The following MAP3K1 variants were observed in gnomAD, a reference collection of about 807,000 sequenced individuals.
MAP3K1 encodes MAP/ERK kinase kinase 1.
A neutral mutation model predicts 144.2 loss-of-function variants in MAP3K1; 36 were observed. That is an observed-to-expected ratio of 0.25 (90% confidence interval 0.19 to 0.33). The LOEUF (loss-of-function observed/expected upper bound fraction) is 0.33, where lower values mean the gene tolerates loss of function less well. Among genes scored for constraint, MAP3K1 ranks in the 10% least tolerant of loss-of-function variants. The pLI is 1.00. For synonymous variants in MAP3K1, 718 were observed against 688.7 expected, an observed-to-expected ratio of 1.04 and a Z score of -0.67; for missense variants, 1,650 against 1,881.9, an observed-to-expected ratio of 0.88 and a Z score of 2.28.
At chr5:56,844,782 G>A (rs537250262) in intron 1 of MAP3K1, among the ~76,000 whole-genome samples, 2 of 152,208 alleles carry the variant, frequency 1.3e-5, no homozygotes, top group South Asian at 4.2e-4. Context: ...TTTCTTCTTT[G>A]CTGCCTGGCC....
chr5:56,818,409 C>G (rs1746049496), intron 1 of MAP3K1, among the ~76,000 whole-genome samples: 1 of 151,874 alleles, frequency 6.6e-6, no homozygotes, highest in African/African-American at 2.4e-5. Flanking sequence ...AGAGGAAAAT[C>G]TAAGATTTTG....
At position 56,815,684 on chromosome 5, in the gene MAP3K1, C is replaced by A. The variant is rs1333697770; in HGVS notation, c.111C>A (p.Pro37=). 3 of 1,301,116 alleles carry A rather than the reference C, an allele frequency of 2.3e-6. No individual in the cohort carries two copies. The highest frequency in any genetic ancestry group is 2.4e-5 in the South Asian group (1 of 41,864). The allele number at this position is 1,301,116 out of a possible 1,614,324, so 80.6% of individuals were successfully genotyped here. A position where few individuals can be genotyped will look rare whatever the true frequency, so the allele number is the denominator to read the frequency against. Reference sequence around the variant, plus strand: ...GAGCCCTCAAGGCGAGCAGCGCGCCCGCGGCTGCCGCGGGACTGCTGCGGG... The same window carrying A: ...GAGCCCTCAAGGCGAGCAGCGCGCCAGCGGCTGCCGCGGGACTGCTGCGGG... ...GGGALKASSA[P]AAAAGLLREA... is the part of the protein sequence containing the mutation. Residue 37 remains proline (P), a synonymous_variant, in exon 1 of 20, where the codon CCC becomes CCA. Transcript: ENST00000399503.
intron 10 of MAP3K1, among the ~76,000 whole-genome samples, chr5:56,875,547 T>G (rs1450228220): frequency 6.6e-6 from 1 of 152,228 alleles, no homozygotes; most frequent in East Asian, 1.9e-4. Flanking sequence ...TTTCATTGTT[T>G]TAAAGGCTTT....
intron 6 of MAP3K1, among the ~76,000 whole-genome samples, chr5:56,867,760 A>G (rs1446145936): frequency 6.6e-6 from 1 of 152,214 alleles, no homozygotes; most frequent in Non-Finnish European, 1.5e-5. Flanking sequence ...CTTCTTAAGT[A>G]AAAGTTTAAT....
chr5:56,819,148 A>C (rs1746075503), intron 1 of MAP3K1, among the ~76,000 whole-genome samples: 1 of 152,220 alleles, frequency 6.6e-6, no homozygotes, highest in Admixed American at 6.5e-5. Flanking sequence ...ATTCTGGAAG[A>C]GAAATATAAG....
At chr5:56,874,915 T>G in intron 9 of MAP3K1, 117 bp from the exon 10 acceptor site, 1 of 1,059,302 alleles carries the variant, frequency 9.4e-7, no homozygotes, top group Non-Finnish European at 1.5e-6. Flanking sequence ...TGAAGGATGG[T>G]AAAGATTTCA....
In MAP3K1 at chr5:56,894,877, A is replaced by G. The variant is rs1748657194; in HGVS notation, c.*1197A>G. On this transcript the variant is annotated 3_prime_UTR_variant, in exon 20 of 20. Coordinates refer to ENST00000399503, the MANE Select transcript of MAP3K1 (RefSeq NM_005921.2). ...AGAAAAATGGAATTGAATTTCATTTATACACTAATTCCTTGGATTTTGCAC... is the reference window on the plus strand; with the variant it reads ...AGAAAAATGGAATTGAATTTCATTTGTACACTAATTCCTTGGATTTTGCAC... The G allele has an allele frequency of 4.3e-6, 1 of 232,144 alleles. No homozygotes were observed. The highest frequency in any genetic ancestry group is 8.5e-6 in the Non-Finnish European group (1 of 117,368). 14.4% of individuals were successfully genotyped at this position (232,144 alleles called of 1,614,324 possible). A position where few individuals can be genotyped will look rare whatever the true frequency, so the allele number is the denominator to read the frequency against.
Position 56,875,057 on chromosome 5 carries a change from G to C in MAP3K1, c.1712G>C (p.Cys571Ser). ...GTGTTTGGAATGGAACTCGTTGGCT[G>C]CTTATTTTCTAGAAACTGGAATGTG... Reference protein sequence around the residue: ...IQVFGMELVGCLFSRNWNVRE... With the variant: ...IQVFGMELVGSLFSRNWNVRE... The change falls in exon 10 of 20, where the codon TGC (cysteine) becomes TCC (serine). Residue 571 changes from cysteine to serine, a missense_variant. By Grantham distance (112) the Cys-to-Ser change is moderately radical (BLOSUM62 -1). Transcript: ENST00000399503. 1 of 1,614,210 alleles carries C rather than the reference G, an allele frequency of 6.2e-7. No homozygotes were observed. The highest frequency in any genetic ancestry group is 2.2e-5 in the East Asian group (1 of 44,884).
rs936611106 is a variant in MAP3K1, at chr5:56,815,915, C to G, written c.342C>G (p.His114Gln). ...AGCCTGTGGCGGTGCCGCCGCCCCA[C>G]GGAGCCGCGAGCCGCGGCGGCGCCC... ...GFQPVAVPPPHGAASRGGAHL... is the reference protein window; with the variant it reads ...GFQPVAVPPPQGAASRGGAHL... The change falls in exon 1 of 20, where the codon CAC (histidine) becomes CAG (glutamine). Residue 114 changes from histidine (H) to glutamine (Q), a missense_variant. Physicochemically the swap from His to Gln is conservative, Grantham distance 24. Coordinates refer to ENST00000399503, the MANE Select transcript of MAP3K1 (RefSeq NM_005921.2). 1.4e-5 allele frequency: 18 copies of G among 1,284,892 alleles called. No individual in the cohort carries two copies. The East Asian group carries it at 4.9e-4, about 35-fold the overall frequency. The allele number at this position is 1,284,892 out of a possible 1,614,324, so 79.6% of individuals were successfully genotyped here. A position where few individuals can be genotyped will look rare whatever the true frequency, so the allele number is the denominator to read the frequency against.
intron 1 of MAP3K1, among the ~76,000 whole-genome samples, chr5:56,826,578 T>C (rs1746322216): frequency 6.6e-6 from 1 of 152,244 alleles, no homozygotes; most frequent in Non-Finnish European, 1.5e-5. Context: ...TGTGCTCAGA[T>C]ACTTCAAGCA....
intron 9 of MAP3K1, among the ~76,000 whole-genome samples, chr5:56,874,671 A>C (rs953885811): frequency 6.6e-6 from 1 of 151,940 alleles, no homozygotes; most frequent in African/African-American, 2.4e-5. Context: ...TTTTCTCTTT[A>C]AACTACCTTA....
chr5:56,850,718 C>T (rs1380652227), intron 1 of MAP3K1, among the ~76,000 whole-genome samples: 1 of 152,154 alleles, frequency 6.6e-6, no homozygotes, highest in Non-Finnish European at 1.5e-5. Flanking sequence ...CCAGCCTCCC[C>T]AAGCCTCCGA....
chr5:56,855,404 A>G (rs1747312381), intron 1 of MAP3K1, among the ~76,000 whole-genome samples: 1 of 152,152 alleles, frequency 6.6e-6, no homozygotes, highest in Admixed American at 6.5e-5. Context: ...GCCTATTTGC[A>G]AGTTTCAAAC....
chr5:56,869,725 A>AAT (rs1747794467), intron 6 of MAP3K1, among the ~76,000 whole-genome samples: 1 of 152,176 alleles, frequency 6.6e-6, no homozygotes. Context: ...TCCTCTATGA[A>AAT]TAAGCTTAAT....
chr5:56,855,464 G>T (rs959597394), intron 1 of MAP3K1, among the ~76,000 whole-genome samples: 1 of 152,176 alleles, frequency 6.6e-6, no homozygotes, highest in African/African-American at 2.4e-5. Context: ...GCCAGTTGCT[G>T]ATACAAAGAT....
intron 3 of MAP3K1, among the ~76,000 whole-genome samples, chr5:56,861,723 CTTGTATA>C (rs1747521636): frequency 6.6e-6 from 1 of 152,076 alleles, no homozygotes; most frequent in Middle Eastern, 3.2e-3. Flanking sequence ...TCTTAGCTGT[CTTGTATA>C]TTAAGCTAAA....
At chr5:56,868,709 T>C (rs1747755091) in intron 6 of MAP3K1, among the ~76,000 whole-genome samples, 1 of 152,122 alleles carries the variant, frequency 6.6e-6, no homozygotes, top group Admixed American at 6.5e-5. Context: ...AATGTAAAAA[T>C]ATGGAAACAG....
intron 15 of MAP3K1, 85 bp from the exon 16 acceptor site, chr5:56,884,579 A>T: frequency 7.8e-7 from 1 of 1,284,228 alleles, no homozygotes; most frequent in Non-Finnish European, 1.1e-6. Flanking sequence ...TGTTGCTAAT[A>T]AAGTGCTAGT....
Position 56,880,810 on chromosome 5 carries a change from C to T in MAP3K1, c.2179+8C>T, listed in dbSNP as rs1748181922. 9 of 1,606,894 alleles carry T rather than the reference C, an allele frequency of 5.6e-6. No individual in the cohort carries two copies. In the East Asian group the frequency reaches 1.6e-4, roughly 28 times the overall value. ...GAGAAATACTAAAAGCTGGTAATAA[C>T]TTTTCACTTAAAAGGAATATAGCAT... is the stretch of plus-strand genomic sequence containing the variant. On this transcript the variant is annotated splice_region_variant and intron_variant, in intron 12 of 19. Transcript: ENST00000399503.
Sources: gnomAD v4.1 joint callset for allele counts (sites outside exome capture counted in the v4.1 genomes callset) on GRCh38, gnomAD v4.1.1 for gene constraint, MANE v1.5 for transcripts, NCBI Gene and HGNC (gene_info 2026-07-23, HGNC 2026-07-21) for gene names.